The following EYA1 variants were observed in gnomAD, a reference collection of about 807,000 sequenced individuals.
The protein encoded by EYA1 is protein phosphatase EYA1.
In EYA1, 16 loss-of-function variants were observed where a neutral mutation model predicts 82.0. The ratio of observed to expected loss-of-function variants is 0.20; its 90% CI spans 0.13 to 0.30. The LOEUF is 0.30. Ranked by LOEUF, EYA1 falls within the 10% of genes least tolerant of loss-of-function variation. EYA1 has a pLI of 1.00. For synonymous variants in EYA1, 261 were observed against 264.4 expected (o/e 0.99, Z 0.12); for missense variants, 633 against 730.7 (o/e 0.87, Z 1.54).
chr8:71,356,523 G>C lies in EYA1; in HGVS notation c.-54-12C>G, dbSNP rs1234514602. The C allele has an allele frequency of 6.4e-7, 1 of 1,563,212 alleles. No homozygotes were observed. Among genetic ancestry groups the C allele is most frequent in the Admixed American group, 1.9e-5 (1 of 52,372 alleles). ...TGAGATGTTTGCACCTGTGATCAGG[G>C]GTAAAAAAATTAGAAGATGTTGTTA... On this transcript the variant is annotated splice_polypyrimidine_tract_variant and intron_variant, in intron 1 of 17. Transcript: ENST00000340726.
At chr8:71,354,196 T>C (rs10957548) in intron 3 of EYA1, among the ~76,000 whole-genome samples, 91,752 of 151,892 alleles carry the variant, frequency 0.6, 29,603 homozygotes, top group East Asian at 0.83. Flanking sequence ...ATTTAAAGTA[T>C]ACTAATCTTT....
At chr8:71,522,640 A>G (rs1468868774) in intron 2 of EYA1, among the ~76,000 whole-genome samples, 7 of 117,300 alleles carry the variant, frequency 6.0e-5, no homozygotes, top group Non-Finnish European at 1.3e-4. Context: ...TTTTTTTTTG[A>G]GACAGGATCT....
At chr8:71,288,935 T>C (rs553229657) in intron 9 of EYA1, among the ~76,000 whole-genome samples, 1 of 152,336 alleles carries the variant, frequency 6.6e-6, no homozygotes, top group Admixed American at 6.5e-5. Context: ...AGATAAGTTT[T>C]AAAAGTGTTA....
chr8:71,408,181 T>A (rs1382931093), intron 2 of EYA1, among the ~76,000 whole-genome samples: 1 of 151,882 alleles, frequency 6.6e-6, no homozygotes, highest in East Asian at 1.9e-4. Context: ...CTGAGAGATT[T>A]TGTCACCACT....
At chr8:71,477,909 G>A (rs1005929512) in intron 2 of EYA1, among the ~76,000 whole-genome samples, 9 of 152,122 alleles carry the variant, frequency 5.9e-5, no homozygotes, top group African/African-American at 1.9e-4. Flanking sequence ...AAGGAGTGAA[G>A]TATGAATACA....
intron 11 of EYA1, among the ~76,000 whole-genome samples, chr8:71,259,066 C>T (rs1340435045): frequency 6.6e-6 from 1 of 152,134 alleles, no homozygotes; most frequent in Non-Finnish European, 1.5e-5. Context: ...AGCAGCCAGA[C>T]ACTATTTTAC....
At chr8:71,365,828 A>G (rs1827720814), upstream of EYA1, among the ~76,000 whole-genome samples, 1 of 152,140 alleles carries the variant, frequency 6.6e-6, no homozygotes, top group Non-Finnish European at 1.5e-5. Context: ...AAATGCAACC[A>G]AGTAAAACAT....
chr8:71,376,284 C>A (rs971017452), intron 2 of EYA1, among the ~76,000 whole-genome samples: 17 of 151,956 alleles, frequency 1.1e-4, no homozygotes, highest in African/African-American at 3.9e-4. Flanking sequence ...GAAAGAAATG[C>A]GGATAAAAGT....
At chr8:71,288,240 T>TA in intron 9 of EYA1, among the ~76,000 whole-genome samples, 2 of 152,318 alleles carry the variant, frequency 1.3e-5, no homozygotes, top group East Asian at 3.9e-4. Flanking sequence ...AGAAAAGACT[T>TA]AAAGTAGAGA....
chr8:71,397,661 G>A (rs553098440), intron 2 of EYA1, among the ~76,000 whole-genome samples: 122 of 152,334 alleles, frequency 8.0e-4, no homozygotes, highest in African/African-American at 2.6e-3. Flanking sequence ...GAGATCCACT[G>A]TTAGTCTGAT....
intron 7 of EYA1, among the ~76,000 whole-genome samples, chr8:71,315,354 T>C (rs1821803604): frequency 1.3e-5 from 2 of 152,218 alleles, no homozygotes; most frequent in African/African-American, 2.4e-5. Flanking sequence ...GGACGGGTAA[T>C]GGCAAGGCTG....
chr8:71,336,415 G>A (rs1416092604), intron 3 of EYA1, among the ~76,000 whole-genome samples: 6 of 152,188 alleles, frequency 3.9e-5, no homozygotes, highest in South Asian at 2.1e-4. Flanking sequence ...GTTCCACTGC[G>A]TGAGATGTCA....
chr8:71,487,276 G>T (rs990793752), intron 2 of EYA1, among the ~76,000 whole-genome samples: 2 of 152,058 alleles, frequency 1.3e-5, no homozygotes, highest in East Asian at 1.9e-4. Flanking sequence ...ATTACTGTGG[G>T]TTAACATTCT....
At chr8:71,494,827 T>C (rs1374776362) in intron 2 of EYA1, among the ~76,000 whole-genome samples, 3 of 152,136 alleles carry the variant, frequency 2.0e-5, no homozygotes, top group Non-Finnish European at 4.4e-5. Context: ...AACATATTTG[T>C]GAATATTTTA....
intron 11 of EYA1, among the ~76,000 whole-genome samples, chr8:71,265,304 T>C (rs1256047236): frequency 6.6e-6 from 1 of 152,224 alleles, no homozygotes; most frequent in Non-Finnish European, 1.5e-5. Flanking sequence ...TTCTCATCTA[T>C]AAAATAGGCT....
upstream of EYA1, among the ~76,000 whole-genome samples, chr8:71,362,746 A>G (rs1292256391): frequency 6.6e-6 from 1 of 152,164 alleles, no homozygotes; most frequent in Admixed American, 6.5e-5. Flanking sequence ...TTTGGAAAAG[A>G]TTCATGTTAT....
chr8:71,318,235 A>G (rs1486666453), intron 6 of EYA1, among the ~76,000 whole-genome samples: 1 of 152,200 alleles, frequency 6.6e-6, no homozygotes. Flanking sequence ...GCACAGAACT[A>G]AACAACATGG....
Position 71,356,575 on chromosome 8 carries a change from A to G in EYA1, c.-54-64T>C, listed in dbSNP as rs868093144. The G allele has an allele frequency of 3.9e-6, 6 of 1,533,584 alleles. No individual in the cohort carries two copies. The Middle Eastern group carries it at 1.0e-3, about 260-fold the overall frequency. The allele number at this position is 1,533,584 out of a possible 1,614,324, so 95.0% of individuals were successfully genotyped here. On this transcript the variant is annotated intron_variant, in intron 1 of 17. Coordinates refer to ENST00000340726, the MANE Select transcript of EYA1 (RefSeq NM_000503.6). ...TCTGCTTCAGTGTCAGCTCTTAATT[A>G]TACAGAGCACATGGCTGAGAACGAC... is the stretch of plus-strand genomic sequence containing the variant.
chr8:71,448,025 T>TTTTTTTTTTTTTTTTGGTAACGGGG (rs935912194), intron 2 of EYA1, among the ~76,000 whole-genome samples: 1 of 116,736 alleles, frequency 8.6e-6, no homozygotes, highest in East Asian at 3.3e-4. Context: ...TTTTTTTTTT[T>TTTTTTTTTTTTTTTTGGTAACGGGG]TCTCGCTCCG....
Sources: allele counts gnomAD v4.1 joint callset (sites outside exome capture counted in the v4.1 genomes callset), GRCh38; gene constraint gnomAD v4.1.1; transcripts MANE v1.5; gene names NCBI Gene and HGNC (gene_info 2026-07-23, HGNC 2026-07-21).